The following MBNL1 variants were observed in gnomAD, a reference collection of about 807,000 sequenced individuals.
MBNL1 encodes muscleblind like splicing regulator 1.
A neutral mutation model predicts 42.2 loss-of-function variants in MBNL1; 8 were observed. That is an observed-to-expected ratio of 0.19 (90% CI 0.11 to 0.34). The LOEUF (loss-of-function observed/expected upper bound fraction) is 0.34. Among genes scored for constraint, MBNL1 ranks in the 10% least tolerant of loss-of-function variants. The pLI is 1.00. For missense variants in MBNL1, 309 were observed against 495.3 expected (o/e 0.62, Z 3.57); for synonymous variants, 169 against 173.9 (o/e 0.97, Z 0.22).
intron 2 of MBNL1, among the ~76,000 whole-genome samples, chr3:152,397,383 G>T (rs2098010494): frequency 6.6e-6 from 1 of 152,036 alleles, no homozygotes. Context: ...ACAGGCCCTG[G>T]TGTGTGATTT....
intron 1 of MBNL1, among the ~76,000 whole-genome samples, chr3:152,286,047 T>C (rs1441409294): frequency 1.3e-5 from 2 of 151,386 alleles, no homozygotes; most frequent in Non-Finnish European, 2.9e-5. Context: ...AAAATTAATC[T>C]TTTTAAGGGG....
intron 2 of MBNL1, among the ~76,000 whole-genome samples, chr3:152,355,137 G>A (rs183725405): frequency 1.6e-3 from 241 of 152,158 alleles, no homozygotes; most frequent in African/African-American, 5.2e-3. Context: ...CAAAAAAATC[G>A]TAAGTGAGAT....
rs549226934 is a variant in MBNL1 at position 152,427,905 on chromosome 3, A to G, written c.346-4812A>G. Among the ~76,000 whole-genome samples, 21 of 151,830 alleles carry G rather than the reference A, an allele frequency of 1.4e-4. No individual in the cohort carries two copies. In the South Asian group the frequency reaches 4.2e-3, roughly 30 times the overall value. On this transcript the variant is annotated intron_variant, in intron 3 of 9. Coordinates refer to ENST00000324210, the MANE Select transcript of MBNL1 (RefSeq NM_021038.5). Reference sequence around the variant, plus strand: ...ATATTGATTACATATTATTTGTTACATATACTCCCTCTATTTTTTTTTTAA... The same window carrying G: ...ATATTGATTACATATTATTTGTTACGTATACTCCCTCTATTTTTTTTTTAA...
chr3:152,288,972 A>G (rs1327609142), intron 1 of MBNL1, among the ~76,000 whole-genome samples: 1 of 152,176 alleles, frequency 6.6e-6, no homozygotes. Context: ...CTTTTTTTGC[A>G]TGTTCCCACA....
At chr3:152,309,113 G>GA (rs1339541505) in intron 2 of MBNL1, among the ~76,000 whole-genome samples, 1 of 152,124 alleles carries the variant, frequency 6.6e-6, no homozygotes, top group Non-Finnish European at 1.5e-5. Context: ...AAGAGAGAAA[G>GA]AAATGGCTCT....
intron 2 of MBNL1, chr3:152,338,795 C>A: frequency 3.7e-6 from 2 of 544,930 alleles, no homozygotes; most frequent in Non-Finnish European, 4.7e-6. Context: ...TTGATCAAAC[C>A]AAAATATGAG....
chr3:152,331,967 C>T (rs1436357594), intron 2 of MBNL1, among the ~76,000 whole-genome samples: 1 of 152,188 alleles, frequency 6.6e-6, no homozygotes, highest in Non-Finnish European at 1.5e-5. Context: ...GCTGGGATTA[C>T]AGGTGTGAGC....
intron 2 of MBNL1, among the ~76,000 whole-genome samples, chr3:152,310,718 T>A (rs1325607383): frequency 6.6e-6 from 1 of 152,118 alleles, no homozygotes. Flanking sequence ...AAATTTTAAC[T>A]AATATTCTAA....
intron 2 of MBNL1, among the ~76,000 whole-genome samples, chr3:152,317,394 A>G (rs2152301921): frequency 6.6e-6 from 1 of 152,124 alleles, no homozygotes; most frequent in East Asian, 1.9e-4. Flanking sequence ...ATCTTAGCTC[A>G]CTGCAACTTC....
intron 3 of MBNL1, among the ~76,000 whole-genome samples, chr3:152,424,068 G>T (rs1352782737): frequency 6.6e-6 from 1 of 152,182 alleles, no homozygotes; most frequent in African/African-American, 2.4e-5. Context: ...AGTATTGGAA[G>T]TTCTGGCCAG....
At chr3:152,382,902 T>C (rs1468209607) in intron 2 of MBNL1, among the ~76,000 whole-genome samples, 1 of 152,118 alleles carries the variant, frequency 6.6e-6, no homozygotes, top group African/African-American at 2.4e-5. Context: ...ATTGGGGTTT[T>C]TCCATGTCTG....
chr3:152,442,643 TAA>T (rs1255882615), intron 4 of MBNL1, among the ~76,000 whole-genome samples: 1 of 146,670 alleles, frequency 6.8e-6, no homozygotes, highest in Admixed American at 6.6e-5. Context: ...CAGCATAGTC[TAA>T]AGTGTCCTTG....
chr3:152,401,241 A>G (rs2153550078), intron 2 of MBNL1, among the ~76,000 whole-genome samples: 1 of 152,364 alleles, frequency 6.6e-6, no homozygotes, highest in Admixed American at 6.5e-5. Flanking sequence ...AACAGTAGAC[A>G]GACTTGTAGA....
At chr3:152,371,946 A>AT (rs2096681697) in intron 2 of MBNL1, among the ~76,000 whole-genome samples, 1 of 152,056 alleles carries the variant, frequency 6.6e-6, no homozygotes, top group African/African-American at 2.4e-5. Context: ...CCAGTCAAAC[A>AT]TAGGTTTGGT....
intron 2 of MBNL1, among the ~76,000 whole-genome samples, chr3:152,258,979 G>C (rs2035851533): frequency 1.3e-5 from 2 of 152,082 alleles, no homozygotes; most frequent in South Asian, 4.1e-4. Flanking sequence ...TCTTTCAGAC[G>C]AGCCTTCCAG....
intron 2 of MBNL1, among the ~76,000 whole-genome samples, chr3:152,397,782 A>T (rs1182294969): frequency 6.6e-6 from 1 of 152,130 alleles, no homozygotes; most frequent in Non-Finnish European, 1.5e-5. Context: ...TTACCAATTC[A>T]CACATGTAGA....
chr3:152,367,512 A>G (rs2096459895), intron 2 of MBNL1, among the ~76,000 whole-genome samples: 1 of 152,212 alleles, frequency 6.6e-6, no homozygotes, highest in South Asian at 2.1e-4. Context: ...TCTTTATAGT[A>G]GAATGATTTA....
chr3:152,457,460 A>G (rs1217676462), intron 8 of MBNL1, among the ~76,000 whole-genome samples: 1 of 152,252 alleles, frequency 6.6e-6, no homozygotes, highest in Non-Finnish European at 1.5e-5. Context: ...CTTGTTCTAT[A>G]ATACATCACG....
chr3:152,458,567 C>T (rs1738471071), intron 8 of MBNL1: 1 of 193,290 alleles, frequency 5.2e-6, no homozygotes, highest in Admixed American at 5.3e-5. Context: ...ATTGTGCTGC[C>T]TCTCTCAGGT....
Sources: allele counts gnomAD v4.1 joint callset (sites outside exome capture counted in the v4.1 genomes callset), GRCh38; gene constraint gnomAD v4.1.1; transcripts MANE v1.5; gene names NCBI Gene and HGNC (gene_info 2026-07-23, HGNC 2026-07-21).